ZFHX3: variants seen among roughly 807,000 people sequenced by gnomAD.
ZFHX3 encodes the protein zinc finger homeobox 3.
In ZFHX3, 42 loss-of-function variants were observed where a neutral mutation model predicts 279.1. The observed-to-expected ratio is 0.15, with a 90% CI of 0.12 to 0.19. The LOEUF (loss-of-function observed/expected upper bound fraction) is 0.19, where lower values mean the gene tolerates loss of function less well. Ranked by LOEUF, ZFHX3 falls within the 10% of genes least tolerant of loss-of-function variation. ZFHX3 has a pLI of 1.00. For missense variants in ZFHX3, 4,981 were observed against 4,754.0 expected, an observed-to-expected ratio of 1.05 and a Z score of -1.40; for synonymous variants, 2,293 against 1,957.8, an observed-to-expected ratio of 1.17 and a Z score of -4.52.
At chr16:73,030,697 A>G (rs1390424939) in intron 1 of ZFHX3, among the ~76,000 whole-genome samples, 1 of 152,160 alleles carries the variant, frequency 6.6e-6, no homozygotes, top group Non-Finnish European at 1.5e-5. Flanking sequence ...GTTAGAAACT[A>G]GGGTCCCCAA....
chr16:72,952,422 T>A (rs1961042550), intron 2 of ZFHX3, among the ~76,000 whole-genome samples: 1 of 152,152 alleles, frequency 6.6e-6, no homozygotes, highest in South Asian at 2.1e-4. Flanking sequence ...CTAGGACCAA[T>A]CACCTTCCCT....
At chr16:73,494,525 A>G (rs16972035) in intron 2 of ZFHX3, among the ~76,000 whole-genome samples, 41,613 of 151,826 alleles carry the variant, frequency 0.27, 6,488 homozygotes, top group African/African-American at 0.43. Context: ...TGTTCTGTGT[A>G]TATTAAAACT....
Position 73,262,339 on chromosome 16 carries a change from C to G in ZFHX3, c.-1193-5203G>C, listed in dbSNP as rs777247638. On this transcript the variant is annotated intron_variant, in intron 4 of 17. Coordinates refer to the ZFHX3 transcript ENST00000641206. Reference sequence around the variant, plus strand: ...TAATGCATTTTGTGATCCCATACTTCACATAAGAATTGTGATACTCCAGGG... The same window carrying G: ...TAATGCATTTTGTGATCCCATACTTGACATAAGAATTGTGATACTCCAGGG... Among the ~76,000 whole-genome samples, 10 of 152,288 alleles carry G rather than the reference C, an allele frequency of 6.6e-5. No homozygotes were observed. The East Asian group carries it at 1.9e-3, about 29-fold the overall frequency.
At chr16:73,256,115 T>C (rs2144962433) in intron 5 of ZFHX3, among the ~76,000 whole-genome samples, 1 of 152,274 alleles carries the variant, frequency 6.6e-6, no homozygotes, top group African/African-American at 2.4e-5. Context: ...AAGATCACGC[T>C]CGAACATCGT....
intron 1 of ZFHX3, among the ~76,000 whole-genome samples, chr16:72,981,758 A>C (rs1173750719): frequency 6.6e-6 from 1 of 152,142 alleles, no homozygotes; most frequent in Admixed American, 6.6e-5. Flanking sequence ...CACTCTGTGC[A>C]ATGGACTTCT....
At chr16:72,861,467 C>T (rs1305896985) in intron 4 of ZFHX3, among the ~76,000 whole-genome samples, 1 of 152,060 alleles carries the variant, frequency 6.6e-6, no homozygotes, top group African/African-American at 2.4e-5. Context: ...AGACTGTTTC[C>T]CCATCCACGT....
intron 1 of ZFHX3, among the ~76,000 whole-genome samples, chr16:73,002,158 G>A (rs747000879): frequency 4.0e-4 from 61 of 152,212 alleles, no homozygotes; most frequent in Non-Finnish European, 5.7e-4. Flanking sequence ...ATAAAGTAAC[G>A]GACATGGAAC....
At chr16:73,203,411 A>T (rs2011678172) in intron 5 of ZFHX3, among the ~76,000 whole-genome samples, 1 of 152,200 alleles carries the variant, frequency 6.6e-6, no homozygotes, top group South Asian at 2.1e-4. Flanking sequence ...CCACAATTTG[A>T]CTTGCATTAT....
chr16:73,294,682 G>T (rs577463771), intron 4 of ZFHX3, among the ~76,000 whole-genome samples: 25 of 152,038 alleles, frequency 1.6e-4, no homozygotes, highest in Non-Finnish European at 3.4e-4. Flanking sequence ...GTGGTTGTGG[G>T]TGCCTGTAAT....
At chr16:73,464,774 G>A (rs1286544974) in intron 2 of ZFHX3, among the ~76,000 whole-genome samples, 1 of 152,206 alleles carries the variant, frequency 6.6e-6, no homozygotes. Flanking sequence ...AAGGGGCTTG[G>A]GGTCCAACTT....
intron 1 of ZFHX3, among the ~76,000 whole-genome samples, chr16:73,853,399 A>C (rs1420509988): frequency 6.6e-6 from 1 of 152,202 alleles, no homozygotes; most frequent in Non-Finnish European, 1.5e-5. Flanking sequence ...TTCCCATAGC[A>C]AAGTCATGGA....
intron 3 of ZFHX3, among the ~76,000 whole-genome samples, chr16:73,345,978 C>T (rs1308185408): frequency 6.6e-6 from 1 of 152,138 alleles, no homozygotes; most frequent in African/African-American, 2.4e-5. Flanking sequence ...GGATTCTCTA[C>T]CTTCTGGGCT....
intron 5 of ZFHX3, among the ~76,000 whole-genome samples, chr16:72,819,627 G>T (rs1242904688): frequency 6.6e-6 from 1 of 152,164 alleles, no homozygotes; most frequent in Non-Finnish European, 1.5e-5. Flanking sequence ...CTGCTTTGTG[G>T]TCTAACTAGA....
intron 3 of ZFHX3, among the ~76,000 whole-genome samples, chr16:73,431,650 T>C (rs1276229474): frequency 6.6e-6 from 1 of 152,242 alleles, no homozygotes; most frequent in Non-Finnish European, 1.5e-5. Flanking sequence ...CCAGTTTTTA[T>C]TATTTAGAAT....
At chr16:73,217,220 G>C (rs2012244365) in intron 5 of ZFHX3, among the ~76,000 whole-genome samples, 1 of 152,124 alleles carries the variant, frequency 6.6e-6, no homozygotes. Flanking sequence ...CATTTCCAGG[G>C]GATTTGCTAA....
rs1961324260 is a variant in ZFHX3 at position 72,957,742 on chromosome 16, G to C, written c.2404C>G (p.Pro802Ala). The change falls in exon 2 of 10, where the codon CCC (proline) becomes GCC (alanine). Residue 802 changes from proline (P) to alanine (A), a missense_variant. Around this residue, in one of 7 missense-constraint regions of ZFHX3, gnomAD observed 1,751 missense variants for 1,770.0 expected, o/e 0.99. Transcript: ENST00000268489. The stretch of plus-strand genomic sequence containing the variant: ...TCACACACCTCGCACCGCCAGGTGG[G>C]TTTGGTTTTTGGTTTGGTCGGCGAG... The part of the protein sequence containing the change: ...APSPTKPKTK[P>A]TWRCEVCDYE... 3.1e-6 allele frequency: 5 copies of C among 1,614,146 alleles called. No homozygotes were observed. Among genetic ancestry groups the C allele is most frequent in the Non-Finnish European group, 4.2e-6 (5 of 1,180,044 alleles).
intron 5 of ZFHX3, among the ~76,000 whole-genome samples, chr16:73,216,212 T>C (rs943551888): frequency 3.9e-5 from 6 of 152,232 alleles, no homozygotes; most frequent in African/African-American, 1.4e-4. Context: ...ACAGATACAC[T>C]TGCCACCTAA....
At chr16:73,284,680 G>C (rs2143073806) in intron 4 of ZFHX3, among the ~76,000 whole-genome samples, 1 of 152,156 alleles carries the variant, frequency 6.6e-6, no homozygotes, top group African/African-American at 2.4e-5. Context: ...TTTTGCAATG[G>C]TCACATAGTA....
In ZFHX3 at chr16:72,989,069, G is replaced by A. The variant is rs141244910; in HGVS notation, c.-49-28875C>T. ...TGCACACCTGTGGTCTCAGCTAAGA[G>A]AGGCCAAGGCAAGAGGATCACTTAG... is the stretch of plus-strand genomic sequence containing the variant. On this transcript the variant is annotated intron_variant, in intron 1 of 9. Coordinates refer to ENST00000268489, the MANE Select transcript of ZFHX3 (RefSeq NM_006885.4). Among the ~76,000 whole-genome samples, 874 of 152,038 alleles carry A rather than the reference G, an allele frequency of 5.7e-3. 9 individuals carry two copies. The highest frequency in any genetic ancestry group is 0.02 in the African/African-American group (810 of 41,444).
Sources: allele counts gnomAD v4.1 joint callset (sites outside exome capture counted in the v4.1 genomes callset), GRCh38; gene constraint gnomAD v4.1.1; regional missense constraint gnomAD v4.1.1; transcripts MANE v1.5; gene names NCBI Gene and HGNC (gene_info 2026-07-23, HGNC 2026-07-21).